NUBP2: variants seen among roughly 807,000 people sequenced by gnomAD.
The protein encoded by NUBP2 is NUBP iron-sulfur cluster assembly factor 2, cytosolic.
Under a neutral mutation model 24.9 loss-of-function variants are expected in NUBP2, and 23 were observed. The ratio of observed to expected loss-of-function variants is 0.92; its 90% CI spans 0.66 to 1.31. The LOEUF (loss-of-function observed/expected upper bound fraction) is 1.31. Among genes scored for constraint, NUBP2 ranks in the 50% most tolerant of loss-of-function variants. The pLI is 0.00. For synonymous variants in NUBP2, 186 were observed against 170.9 expected (o/e 1.09, Z -0.69); for missense variants, 403 against 386.5 (o/e 1.04, Z -0.36).
chr16:1,786,678 G>A, intron 2 of NUBP2, 23 bp downstream of exon 2: 1 of 1,612,314 alleles, frequency 6.2e-7, no homozygotes, highest in Non-Finnish European at 8.5e-7. Context: ...CCCCTCACTG[G>A]GCGGAGCCCC....
intron 3 of NUBP2, 86 bp from the exon 4 acceptor site, chr16:1,787,591 G>T: frequency 6.5e-7 from 1 of 1,542,782 alleles, no homozygotes. Context: ...CAGCCCCTCG[G>T]CCTGACCTGG....
rs1429501261 is a variant in NUBP2, at chr16:1,786,649, C to G, written c.129C>G (p.Gly43=). The part of the protein sequence containing the change: ...TELALALRHA[G]KKVGILDVDL... ...TGGCCCTGGCACTGCGCCATGCAGG[C>G]AAGAAGGTGAGCGCCCTACCCCTCA... The change falls in exon 2 of 7, where the codon GGC becomes GGG. Residue 43 remains glycine, a synonymous_variant. Coordinates refer to ENST00000262302, the MANE Select transcript of NUBP2 (RefSeq NM_012225.4). 4.3e-6 allele frequency: 7 copies of G among 1,612,628 alleles called. No individual in the cohort carries two copies. The highest frequency in any genetic ancestry group is 1.3e-5 in the African/African-American group (1 of 74,942).
chr16:1,785,945 C>G, intron 1 of NUBP2: 1 of 1,254,478 alleles, frequency 8.0e-7, no homozygotes, highest in South Asian at 1.3e-5. Flanking sequence ...CACACAGCAG[C>G]CCCTGCCGTG....
At position 1,788,135 on chromosome 16, in the gene NUBP2, T is replaced by C. The variant is rs754319184; in HGVS notation, c.601-3T>C. ...CAGTGCTGGGCTCACCACCGTCTCC[T>C]AGGAGTGCACCAGCGTCTTCTCCAG... On this transcript the variant is annotated splice_polypyrimidine_tract_variant and splice_region_variant and intron_variant, in intron 5 of 6. Coordinates refer to ENST00000262302, the MANE Select transcript of NUBP2 (RefSeq NM_012225.4). 1 of 1,553,204 alleles carries C rather than the reference T, an allele frequency of 6.4e-7. No individual in the cohort carries two copies. Among genetic ancestry groups the C allele is most frequent in the South Asian group, 1.2e-5 (1 of 82,512 alleles).
intron 1 of NUBP2, chr16:1,785,737 A>G: frequency 1.6e-6 from 2 of 1,288,876 alleles, no homozygotes; most frequent in Non-Finnish European, 2.0e-6. Context: ...GTTCTCCGGG[A>G]GGCTTTGGAC....
At chr16:1,783,087 C>T (rs948122043) in intron 1 of NUBP2, 51 bp downstream of exon 1, 2 of 1,230,158 alleles carry the variant, frequency 1.6e-6, no homozygotes, top group South Asian at 7.6e-5. Flanking sequence ...GCTTGGGGCC[C>T]CGCCGCGTCC....
intron 3 of NUBP2, 24 bp from the exon 4 acceptor site, chr16:1,787,653 G>GC (rs1567236442): frequency 6.2e-7 from 1 of 1,609,216 alleles, no homozygotes; most frequent in East Asian, 2.2e-5. Context: ...TGCCCTGACC[G>GC]CCCCGTCTGC....
intron 1 of NUBP2, 140 bp from the exon 2 acceptor site, chr16:1,786,396 TG>T: frequency 1.3e-6 from 1 of 767,634 alleles, no homozygotes; most frequent in African/African-American, 1.7e-5. Context: ...CGGGGCGAAG[TG>T]GGGCACGGGC....
At position 1,787,671 on chromosome 16, in the gene NUBP2, T is replaced by G; in HGVS notation, c.335-6T>G. The G allele has an allele frequency of 3.7e-6, 6 of 1,612,202 alleles. No homozygotes were observed. Among genetic ancestry groups the G allele is most frequent in the Non-Finnish European group, 5.1e-6 (6 of 1,179,800 alleles). ...CCTGACCGCCCCGTCTGCCCCGTCT[T>G]TGCAGCGCTGATAAAGCAGTTTGTG... is the stretch of plus-strand genomic sequence containing the variant. On this transcript the variant is annotated splice_region_variant and splice_polypyrimidine_tract_variant and intron_variant, in intron 3 of 6. Transcript: ENST00000262302.
At chr16:1,784,274 A>G (rs901176308) in intron 1 of NUBP2, among the ~76,000 whole-genome samples, 1 of 151,952 alleles carries the variant, frequency 6.6e-6, no homozygotes, top group African/African-American at 2.4e-5. Flanking sequence ...ATGTGTAGAC[A>G]TGGGGTCTGA....
chr16:1,787,644 G>T, intron 3 of NUBP2, 33 bp from the exon 4 acceptor site: 1 of 1,608,186 alleles, frequency 6.2e-7, no homozygotes, highest in Non-Finnish European at 8.5e-7. Flanking sequence ...GACCTGCCCT[G>T]CCCTGACCGC....
intron 1 of NUBP2, chr16:1,783,592 C>T: frequency 1.4e-6 from 1 of 695,518 alleles, no homozygotes; most frequent in African/African-American, 1.9e-5. Flanking sequence ...TAGTGGGAGC[C>T]GCATTTATCT....
Position 1,788,717 on chromosome 16 carries a change from A to G in NUBP2, c.*3A>G. 3 of 1,607,232 alleles carry G rather than the reference A, an allele frequency of 1.9e-6. No individual in the cohort carries two copies. The highest frequency in any genetic ancestry group is 1.1e-5 in the South Asian group (1 of 90,698). ...CGACGCCCGCGTGCCTCCCCTGACT[A>G]AGGCCACCTTGCAGCCGCTTTCCAG... On this transcript the variant is annotated 3_prime_UTR_variant, in exon 7 of 7. Coordinates refer to ENST00000262302, the MANE Select transcript of NUBP2 (RefSeq NM_012225.4).
rs60875930 is a variant in NUBP2, at chr16:1,787,557, T to C, written c.335-120T>C. 0.016 allele frequency: 21,257 copies of C among 1,328,144 alleles called. 2,590 individuals carry two copies. The African/African-American group carries it at 0.27, about 17-fold the overall frequency. 82.3% of individuals were successfully genotyped at this position (1,328,144 alleles called of 1,614,324 possible). A position where few individuals can be genotyped will look rare whatever the true frequency, so the allele number is the denominator to read the frequency against. ...CCCGAGAGCCTGTGATGGAGGCTGG[T>C]GGCAAGTGACACCTGATGGACTGCA... On this transcript the variant is annotated intron_variant, in intron 3 of 6. Transcript: ENST00000262302.
chr16:1,784,972 G>A, intron 1 of NUBP2: 3 of 488,708 alleles, frequency 6.1e-6, no homozygotes, highest in Non-Finnish European at 8.0e-6. Context: ...GAATTGCTTG[G>A]ACCCAGGAGG....
At chr16:1,784,257 A>G (rs367921785) in intron 1 of NUBP2, among the ~76,000 whole-genome samples, 54 of 152,084 alleles carry the variant, frequency 3.6e-4, no homozygotes, top group African/African-American at 1.3e-3. Context: ...GCTTGGCTAC[A>G]TTTTTAATGT....
chr16:1,784,254 T>C (rs1459347927), intron 1 of NUBP2, among the ~76,000 whole-genome samples: 1 of 152,090 alleles, frequency 6.6e-6, no homozygotes, highest in East Asian at 1.9e-4. Flanking sequence ...CCCGCTTGGC[T>C]ACATTTTTAA....
chr16:1,788,229 TG>T, intron 6 of NUBP2, 22 bp downstream of exon 6: 1 of 1,456,928 alleles, frequency 6.9e-7, no homozygotes, highest in East Asian at 2.5e-5. Context: ...AAGCTGGTGC[TG>T]GGGTCGCGGC....
At chr16:1,787,005 C>T (rs1216740082) in intron 3 of NUBP2, 50 bp downstream of exon 3, 56 of 1,446,520 alleles carry the variant, frequency 3.9e-5, no homozygotes, top group African/African-American at 5.7e-5. Context: ...GGTTAGCGTC[C>T]GTGCCGGCCT....
Sources: allele counts gnomAD v4.1 joint callset (sites outside exome capture counted in the v4.1 genomes callset), GRCh38; gene constraint gnomAD v4.1.1; transcripts MANE v1.5; gene names NCBI Gene and HGNC (gene_info 2026-07-23, HGNC 2026-07-21).